SPTLC2: variants seen among roughly 807,000 people sequenced by gnomAD.
SPTLC2 encodes the protein serine palmitoyltransferase 2.
A neutral mutation model predicts 62.0 loss-of-function variants in SPTLC2; 21 were observed. The ratio of observed to expected loss-of-function variants is 0.34; its 90% CI spans 0.24 to 0.49. The LOEUF (loss-of-function observed/expected upper bound fraction) is 0.49. Among genes scored for constraint, SPTLC2 ranks in the 20% least tolerant of loss-of-function variants. The pLI is 0.99. For missense variants in SPTLC2, 511 were observed against 713.0 expected, an observed-to-expected ratio of 0.72 and a Z score of 3.23; for synonymous variants, 261 against 261.8, an observed-to-expected ratio of 1.00 and a Z score of 0.03.
In SPTLC2 at chr14:77,512,273, A is replaced by G. The variant is rs1566765070; in HGVS notation, c.*11T>C. ...TGAGGGAGAGTTCCTCTGAGGGAGC[A>G]CCAAAAAGGCTCAGTCTTCTGTTTC... On this transcript the variant is annotated 3_prime_UTR_variant, in exon 12 of 12. Coordinates refer to ENST00000216484, the MANE Select transcript of SPTLC2 (RefSeq NM_004863.4). The G allele has an allele frequency of 1.2e-6, 2 of 1,613,664 alleles. No homozygotes were observed.
intron 10 of SPTLC2, among the ~76,000 whole-genome samples, chr14:77,519,121 C>A (rs554554031): frequency 4.4e-4 from 67 of 152,276 alleles, no homozygotes; most frequent in African/African-American, 1.6e-3. Flanking sequence ...CTCACCATAA[C>A]CTCCACCTCC....
chr14:77,529,193 T>C (rs868341299), intron 9 of SPTLC2, among the ~76,000 whole-genome samples: 13 of 151,970 alleles, frequency 8.6e-5, no homozygotes, highest in Non-Finnish European at 1.6e-4. Flanking sequence ...GGTTGGATTA[T>C]ACTATAGAGA....
intron 7 of SPTLC2, among the ~76,000 whole-genome samples, chr14:77,556,652 A>G (rs1007454668): frequency 6.6e-6 from 1 of 152,130 alleles, no homozygotes; most frequent in African/African-American, 2.4e-5. Flanking sequence ...TTTGCCTCCC[A>G]AAGTGTTGGG....
Position 77,558,707 on chromosome 14 carries a change from C to T in SPTLC2, c.851-1561G>A, listed in dbSNP as rs149214475. ...CGTGATCTCTGCTCACTGAAACCTC[C>T]GCCTCCTGGATTCAAGTGATTCTCC... On this transcript the variant is annotated intron_variant, in intron 6 of 11. Transcript: ENST00000216484. 1.7e-3 allele frequency among the ~76,000 whole-genome samples: 255 copies of T among 151,820 alleles called. 9 individuals are homozygous for T. The East Asian group carries it at 0.044, about 26-fold the overall frequency.
chr14:77,616,474 CTGCAGCGCTG>C lies in SPTLC2; in HGVS notation c.96_105del (p.Ser32ArgfsTer57). 1.3e-6 allele frequency: 2 copies of C among 1,508,058 alleles called. No individual in the cohort carries two copies. The highest frequency in any genetic ancestry group is 8.8e-7 in the Non-Finnish European group (1 of 1,135,056). The allele number at this position is 1,508,058 out of a possible 1,614,324, so 93.4% of individuals were successfully genotyped here. A position where few individuals can be genotyped will look rare whatever the true frequency, so the allele number is the denominator to read the frequency against. On this transcript the variant is annotated frameshift_variant, in exon 1 of 12. Transcript: ENST00000216484. LOFTEE classifies it high-confidence loss of function. ...TGGCCGGCGGCGGCTGCGGCTGCGG[CTGCAGCGCTG>C]CTCCTCACGTACCCGTTCCGTACTT... is the stretch of plus-strand genomic sequence containing the variant.
Position 77,518,024 on chromosome 14 carries a change from A to T in SPTLC2, c.1569+14T>A. On this transcript the variant is annotated intron_variant, in intron 11 of 11. Coordinates refer to ENST00000216484, the MANE Select transcript of SPTLC2 (RefSeq NM_004863.4). Reference sequence around the variant, plus strand: ...AAAAGGCATATTTATATCAAGGTGAAAGTGCCTACTTACAGTATCAAGTAT... The same window carrying T: ...AAAAGGCATATTTATATCAAGGTGATAGTGCCTACTTACAGTATCAAGTAT... The T allele has an allele frequency of 6.2e-7, 1 of 1,614,182 alleles. No homozygotes were observed. Among genetic ancestry groups the T allele is most frequent in the East Asian group, 2.2e-5 (1 of 44,880 alleles).
rs146738650 is a variant in SPTLC2 at position 77,610,706 on chromosome 14, C to T, written c.132+5742G>A. ...TGCTACAGTGGCTGTAATCCCAGCA[C>T]TTTGGTAGGCTGAAGCAGGAGGATG... On this transcript the variant is annotated intron_variant, in intron 1 of 11. Transcript: ENST00000216484. Among the ~76,000 whole-genome samples the T allele has an allele frequency of 3.8e-4, 58 of 152,064 alleles. No individual in the cohort carries two copies. The East Asian group carries it at 0.011, about 29-fold the overall frequency.
chr14:77,517,937 G>A (rs993959358), intron 11 of SPTLC2, 101 bp downstream of exon 11: 48 of 1,576,376 alleles, frequency 3.0e-5, no homozygotes, highest in Middle Eastern at 4.4e-4. Flanking sequence ...TGTCTTAGGT[G>A]CTCACAAGAA....
chr14:77,526,829 C>G (rs1308432819), intron 9 of SPTLC2, among the ~76,000 whole-genome samples: 1 of 149,732 alleles, frequency 6.7e-6, no homozygotes, highest in African/African-American at 2.5e-5. Flanking sequence ...GAGTCTCACT[C>G]TGTTGCCCAG....
intron 1 of SPTLC2, among the ~76,000 whole-genome samples, chr14:77,614,561 G>C (rs956716852): frequency 6.6e-6 from 1 of 152,072 alleles, no homozygotes; most frequent in Non-Finnish European, 1.5e-5. Flanking sequence ...CTACTTGGGA[G>C]GCTGAGGCAG....
chr14:77,568,272 TTTGTG>T lies in SPTLC2; in HGVS notation c.756+2107_756+2111del, dbSNP rs201110282. Among the ~76,000 whole-genome samples, 925 of 152,334 alleles carry T rather than the reference TTTGTG, an allele frequency of 6.1e-3. 10 individuals carry two copies. The highest frequency in any genetic ancestry group is 0.015 in the African/African-American group (644 of 41,576). ...AATATTCAAAGGTTTTCCAGATATC[TTTGTG>T]TTATCAATTTCTAATTTAAATTCCA... is the stretch of plus-strand genomic sequence containing the variant. On this transcript the variant is annotated intron_variant, in intron 5 of 11. Transcript: ENST00000216484.
chr14:77,616,141 C>A (rs1353057097), intron 1 of SPTLC2, among the ~76,000 whole-genome samples: 1 of 152,190 alleles, frequency 6.6e-6, no homozygotes, highest in East Asian at 1.9e-4. Flanking sequence ...GGCCCCTCAT[C>A]GCTTCCCCTG....
At chr14:77,582,097 G>C (rs1303165221) in intron 2 of SPTLC2, among the ~76,000 whole-genome samples, 2 of 151,462 alleles carry the variant, frequency 1.3e-5, no homozygotes, top group Non-Finnish European at 2.9e-5. Flanking sequence ...CTGTCACCCA[G>C]GCTGGAGTGC....
At chr14:77,550,572 T>G (rs907063641) in intron 9 of SPTLC2, among the ~76,000 whole-genome samples, 5 of 150,098 alleles carry the variant, frequency 3.3e-5, no homozygotes, top group African/African-American at 1.2e-4. Flanking sequence ...CAAAACTCCA[T>G]CTCAAAAGAA....
At position 77,562,409 on chromosome 14, in the gene SPTLC2, G is replaced by A. The variant is rs1197653153; in HGVS notation, c.837C>T (p.Ile279=). 3 of 1,614,054 alleles carry A rather than the reference G, an allele frequency of 1.9e-6. No homozygotes were observed. The highest frequency in any genetic ancestry group is 2.5e-6 in the Non-Finnish European group (3 of 1,180,022). ...CAGCAAACTCACTGTTGTGTTTGAA[G>A]ATTCTAATGGTTGCTCCTGACAGTC... ...GARLSGATIR[I]FKHNNMQSLE... Residue 279 remains isoleucine, a synonymous_variant, in exon 6 of 12, where the codon ATC becomes ATT. Coordinates refer to ENST00000216484, the MANE Select transcript of SPTLC2 (RefSeq NM_004863.4).
intron 5 of SPTLC2, among the ~76,000 whole-genome samples, chr14:77,564,587 C>CA (rs1432883077): frequency 5.3e-5 from 8 of 150,790 alleles, no homozygotes; most frequent in South Asian, 4.2e-4. Context: ...TATCATTCTC[C>CA]AAAAAAAAGA....
intron 1 of SPTLC2, among the ~76,000 whole-genome samples, chr14:77,611,002 A>C (rs1422103187): frequency 4.7e-5 from 7 of 149,202 alleles, no homozygotes; most frequent in Non-Finnish European, 9.0e-5. Flanking sequence ...CAAAAAAAAA[A>C]AAAAAAAAAG....
chr14:77,526,455 T>C (rs1243374684), intron 9 of SPTLC2, among the ~76,000 whole-genome samples: 1 of 152,236 alleles, frequency 6.6e-6, no homozygotes, highest in African/African-American at 2.4e-5. Flanking sequence ...CATAAATCTT[T>C]ACTTTTAAGG....
rs78577388 is a variant in SPTLC2 at position 77,509,639 on chromosome 14, G to A, written c.*2645C>T. The A allele has an allele frequency of 2.3e-3, 822 of 361,960 alleles. 1 individual carries two copies. The highest frequency in any genetic ancestry group is 2.3e-3 in the Non-Finnish European group (466 of 203,642). The allele number at this position is 361,960 out of a possible 1,614,324, so 22.4% of individuals were successfully genotyped here. ...TGCCTCAAATCGACTTATTCTCAAT[G>A]ACTGTATTTATATATACTTGTATTC... On this transcript the variant is annotated 3_prime_UTR_variant, in exon 12 of 12. Transcript: ENST00000216484.
Sources: gnomAD v4.1 joint callset for allele counts (sites outside exome capture counted in the v4.1 genomes callset) on GRCh38, gnomAD v4.1.1 for gene constraint, MANE v1.5 for transcripts, NCBI Gene and HGNC (gene_info 2026-07-23, HGNC 2026-07-21) for gene names.